The following RFTN1 variants were observed in gnomAD, a reference collection of about 807,000 sequenced individuals.
RFTN1 encodes the protein raftlin.
In RFTN1, 26 loss-of-function variants were observed where a neutral mutation model predicts 46.5. That is an observed-to-expected ratio of 0.56 (90% CI 0.41 to 0.78). The LOEUF (loss-of-function observed/expected upper bound fraction) is 0.78. Among genes scored for constraint, RFTN1 ranks in the 30% least tolerant of loss-of-function variants. The pLI, the probability that RFTN1 is intolerant of heterozygous loss-of-function variation, is 0.00. For missense variants in RFTN1, 693 were observed against 718.7 expected (o/e 0.96, Z 0.41); for synonymous variants, 261 against 284.2 (o/e 0.92, Z 0.82).
At position 16,465,170 on chromosome 3, in the gene RFTN1, C is replaced by G. The variant is rs2076067776; in HGVS notation, c.145+28555G>C. On this transcript the variant is annotated intron_variant, in intron 2 of 9. Coordinates refer to ENST00000334133, the MANE Select transcript of RFTN1 (RefSeq NM_015150.2). This position sits in a 1 kb window ranked among gnomAD's most constrained non-coding sequence, Gnocchi z 5.1. ...GAATTTTGGCAGTCACCTTGGAAAT[C>G]TGCTAAAACAAATAATGGAAGGCAA... 2.0e-5 allele frequency among the ~76,000 whole-genome samples: 3 copies of G among 150,942 alleles called. No homozygotes were observed. The highest frequency in any genetic ancestry group is 7.3e-5 in the African/African-American group (3 of 40,948).
At chr3:16,463,050 C>T (rs17042294) in intron 2 of RFTN1, among the ~76,000 whole-genome samples, 25,835 of 152,174 alleles carry the variant, frequency 0.17, 2,415 homozygotes, top group East Asian at 0.26. Flanking sequence ...ATGGTTCTCA[C>T]CCACTAGAGA....
Position 16,329,381 on chromosome 3 carries a change from CGGAAGGGAGGAG to C in RFTN1, c.1147-2517_1147-2506del, listed in dbSNP as rs1368348837. 2.0e-5 allele frequency among the ~76,000 whole-genome samples: 3 copies of C among 151,852 alleles called. No homozygotes were observed. The highest frequency in any genetic ancestry group is 4.4e-5 in the Non-Finnish European group (3 of 67,978). On this transcript the variant is annotated intron_variant, in intron 7 of 9. Transcript: ENST00000334133. The surrounding 1 kb of genome is among the most constrained non-coding windows in gnomAD (Gnocchi z 4.5). ...AAAGAGGAAACTTAATAAAGGAAGG[CGGAAGGGAGGAG>C]GGAAGGGAGGAAAGGAGAGAGAGGT...
chr3:16,417,009 CT>C (rs72060599), intron 3 of RFTN1, among the ~76,000 whole-genome samples: 62,253 of 120,896 alleles, frequency 0.51, 14,008 homozygotes, highest in African/African-American at 0.69. Flanking sequence ...TTTTCTTTTT[CT>C]TTTTTTTTTT....
intron 8 of RFTN1, among the ~76,000 whole-genome samples, chr3:16,326,310 G>T (rs1409118838): frequency 3.3e-5 from 5 of 152,284 alleles, no homozygotes; most frequent in African/African-American, 1.2e-4. Flanking sequence ...GCTTGATCTT[G>T]GCCAAGTCCC....
chr3:16,482,818 G>A (rs933204975), intron 2 of RFTN1: 32 of 1,536,044 alleles, frequency 2.1e-5, no homozygotes, highest in African/African-American at 2.7e-5. Flanking sequence ...CAGGGAGGGC[G>A]CAGGGGCAGA....
chr3:16,415,590 G>A (rs1434915871), intron 3 of RFTN1, among the ~76,000 whole-genome samples: 1 of 151,816 alleles, frequency 6.6e-6, no homozygotes, highest in Non-Finnish European at 1.5e-5. Context: ...AATGTAGCAA[G>A]AGAAGGGTTA....
rs1366940374 is a variant in RFTN1 at position 16,374,359 on chromosome 3, C to T, written c.826+3359G>A. On this transcript the variant is annotated intron_variant, in intron 5 of 9. Coordinates refer to ENST00000334133, the MANE Select transcript of RFTN1 (RefSeq NM_015150.2). The surrounding 1 kb of genome is among the most constrained non-coding windows in gnomAD (Gnocchi z 5.4). ...AGCTCAATAGCTGTTTGTTAATGGA[C>T]TGAGTAAAAGGCCAGAAAGATGGCG... is the stretch of plus-strand genomic sequence containing the variant. Among the ~76,000 whole-genome samples the T allele has an allele frequency of 3.3e-5, 5 of 152,148 alleles. No individual in the cohort carries two copies. The highest frequency in any genetic ancestry group is 1.2e-4 in the African/African-American group (5 of 41,420).
rs2075735891 is a variant in RFTN1, at chr3:16,446,681, T to C, written c.146-12644A>G. Reference sequence around the variant, plus strand: ...TAATAGGACAAAGACCATGGTTGTATACAAGACAGTGACTGGAAATCTCAA... The same window carrying C: ...TAATAGGACAAAGACCATGGTTGTACACAAGACAGTGACTGGAAATCTCAA... On this transcript the variant is annotated intron_variant, in intron 2 of 9. Coordinates refer to ENST00000334133, the MANE Select transcript of RFTN1 (RefSeq NM_015150.2). The surrounding 1 kb of genome is among the most constrained non-coding windows in gnomAD (Gnocchi z 4.5). Among the ~76,000 whole-genome samples, 1 of 152,140 alleles carries C rather than the reference T, an allele frequency of 6.6e-6. No individual in the cohort carries two copies. The highest frequency in any genetic ancestry group is 2.4e-5 in the African/African-American group (1 of 41,426).
In RFTN1 at chr3:16,362,880, C is replaced by T. The variant is rs116589737; in HGVS notation, c.1031-4833G>A. 2.2e-3 allele frequency among the ~76,000 whole-genome samples: 339 copies of T among 152,286 alleles called. 3 individuals carry two copies. The highest frequency in any genetic ancestry group is 7.9e-3 in the African/African-American group (329 of 41,542). ...CCCATCCAGACTTTTTCTCCATCCC[C>T]TGCTGGGCTTCCTCTCCTTCCTCCT... On this transcript the variant is annotated intron_variant, in intron 6 of 9. Transcript: ENST00000334133.
At chr3:16,339,234 T>C (rs921899601) in intron 7 of RFTN1, 4 of 152,258 alleles carry the variant, frequency 2.6e-5, no homozygotes, top group African/African-American at 9.6e-5. Context: ...ATTCTCTTTG[T>C]GGTGACTCAA....
rs1443830061 is a variant in RFTN1, at chr3:16,465,574, A to G, written c.145+28151T>C. ...CCCCTCTTCTGCTTTATACAAATAC[A>G]TGGTAATTTGCTTCTTTTTAATAGT... On this transcript the variant is annotated intron_variant, in intron 2 of 9. Transcript: ENST00000334133. The surrounding 1 kb of genome is among the most constrained non-coding windows in gnomAD (Gnocchi z 5.1). Among the ~76,000 whole-genome samples, 1 of 152,192 alleles carries G rather than the reference A, an allele frequency of 6.6e-6. No individual in the cohort carries two copies. Among genetic ancestry groups the G allele is most frequent in the Non-Finnish European group, 1.5e-5 (1 of 68,032 alleles).
At position 16,376,407 on chromosome 3, in the gene RFTN1, C is replaced by T. The variant is rs1223212002; in HGVS notation, c.826+1311G>A. ...TCCTGGGGGCCTCTGCCTGGCCTGA[C>T]TCTCGCCCTCCCACAGTCCTGGACC... On this transcript the variant is annotated intron_variant, in intron 5 of 9. Coordinates refer to ENST00000334133, the MANE Select transcript of RFTN1 (RefSeq NM_015150.2). This position sits in a 1 kb window ranked among gnomAD's most constrained non-coding sequence, Gnocchi z 4.7. 3.3e-5 allele frequency among the ~76,000 whole-genome samples: 5 copies of T among 152,152 alleles called. No homozygotes were observed. The East Asian group carries it at 9.6e-4, about 29-fold the overall frequency.
chr3:16,476,026 T>C (rs1360798934), intron 2 of RFTN1, among the ~76,000 whole-genome samples: 3 of 152,232 alleles, frequency 2.0e-5, no homozygotes, highest in Admixed American at 1.3e-4. Context: ...GTTGAAAATG[T>C]GCAGGAGGAT....
intron 2 of RFTN1, among the ~76,000 whole-genome samples, chr3:16,469,591 G>T (rs970937603): frequency 6.6e-6 from 1 of 152,222 alleles, no homozygotes; most frequent in East Asian, 1.9e-4. Context: ...CCAGGATGCC[G>T]CACTGGGGAG....
chr3:16,352,275 C>G lies in RFTN1; in HGVS notation c.1146+5657G>C, dbSNP rs1378225577. Among the ~76,000 whole-genome samples, 1 of 152,178 alleles carries G rather than the reference C, an allele frequency of 6.6e-6. No individual in the cohort carries two copies. Among genetic ancestry groups the G allele is most frequent in the East Asian group, 1.9e-4 (1 of 5,200 alleles). On this transcript the variant is annotated intron_variant, in intron 7 of 9. Transcript: ENST00000334133. This position sits in a 1 kb window ranked among gnomAD's most constrained non-coding sequence, Gnocchi z 4.6. ...GGGAGAGGGATAAACATGGAAAAGG[C>G]TCTATGGCTCAGGTAGCACCTGGTG...
At chr3:16,417,896 C>T (rs2075113338) in intron 3 of RFTN1, among the ~76,000 whole-genome samples, 3 of 152,156 alleles carry the variant, frequency 2.0e-5, no homozygotes, top group African/African-American at 7.2e-5. Context: ...TTTATAGAGA[C>T]AGGGTTTTGC....
chr3:16,378,052 C>A lies in RFTN1; in HGVS notation c.492G>T (p.Gln164His), dbSNP rs758245450. 2 of 1,614,124 alleles carry A rather than the reference C, an allele frequency of 1.2e-6. No individual in the cohort carries two copies. The highest frequency in any genetic ancestry group is 4.5e-5 in the East Asian group (2 of 44,900). Residue 164 changes from glutamine (Q) to histidine (H), a missense_variant, in exon 5 of 10, where the codon CAG becomes CAT. Coordinates refer to ENST00000334133, the MANE Select transcript of RFTN1 (RefSeq NM_015150.2). ...QGLKFVGVIP[Q>H]YHSSVNSAGS... Reference sequence around the variant, plus strand: ...CTGCCGAGTTCACAGAGGAATGGTACTGAGGTATAACACCAACGAATTTCA... The same window carrying A: ...CTGCCGAGTTCACAGAGGAATGGTAATGAGGTATAACACCAACGAATTTCA...
In RFTN1 at chr3:16,446,430, C is replaced by G. The variant is rs1024120772; in HGVS notation, c.146-12393G>C. On this transcript the variant is annotated intron_variant, in intron 2 of 9. Transcript: ENST00000334133. This position sits in a 1 kb window ranked among gnomAD's most constrained non-coding sequence, Gnocchi z 4.5. ...TCCAGGAAATCTTCATCGGCCTCAT[C>G]TCTCGGTCCACGTCCAACAAGCAGA... Among the ~76,000 whole-genome samples the G allele has an allele frequency of 6.6e-6, 1 of 152,194 alleles. No individual in the cohort carries two copies. Among genetic ancestry groups the G allele is most frequent in the Admixed American group, 6.5e-5 (1 of 15,274 alleles).
chr3:16,483,803 C>T lies in RFTN1; in HGVS notation c.145+9922G>A, dbSNP rs990842935. 3.9e-5 allele frequency among the ~76,000 whole-genome samples: 6 copies of T among 152,036 alleles called. No homozygotes were observed. Among genetic ancestry groups the T allele is most frequent in the Admixed American group, 3.9e-4 (6 of 15,268 alleles). On this transcript the variant is annotated intron_variant, in intron 2 of 9. Transcript: ENST00000334133. This position sits in a 1 kb window ranked among gnomAD's most constrained non-coding sequence, Gnocchi z 4.8. ...CTCCACATGATCTTTTAAGGTTCTC[C>T]AAGTGTGGTCCCCAGACCAGCAGCA...
Sources: gnomAD v4.1 joint callset for allele counts (sites outside exome capture counted in the v4.1 genomes callset) on GRCh38, gnomAD v4.1.1 for gene constraint, Gnocchi (gnomAD v3.1) non-coding constraint, MANE v1.5 for transcripts, NCBI Gene and HGNC (gene_info 2026-07-23, HGNC 2026-07-21) for gene names.